KHDRBS2: variants seen among roughly 807,000 people sequenced by gnomAD.
KHDRBS2 encodes the protein KH RNA binding domain containing, signal transduction associated 2.
In KHDRBS2, 26 loss-of-function variants were observed where a neutral mutation model predicts 44.3. The ratio of observed to expected loss-of-function variants is 0.59; its 90% CI spans 0.43 to 0.81. The LOEUF is 0.81. KHDRBS2 is among the 40% of genes least tolerant of loss of function. KHDRBS2 has a pLI of 0.00. For synonymous variants in KHDRBS2, 194 were observed against 151.1 expected (o/e 1.28, Z -2.08); for missense variants, 476 against 433.1 (o/e 1.10, Z -0.88).
chr6:62,234,341 T>A (rs1369774311), intron 1 of KHDRBS2, among the ~76,000 whole-genome samples: 1 of 152,158 alleles, frequency 6.6e-6, no homozygotes, highest in East Asian at 1.9e-4. Flanking sequence ...TACAGCACAA[T>A]TTTGTTATAA....
the KHDRBS2 span, among the ~76,000 whole-genome samples, chr6:61,651,750 C>T: frequency 6.6e-6 from 1 of 152,078 alleles, no homozygotes; most frequent in African/African-American, 2.4e-5. Flanking sequence ...TTATGTTCCA[C>T]TCTTGTTTAG....
chr6:62,178,269 C>G (rs1821545017), intron 1 of KHDRBS2, among the ~76,000 whole-genome samples: 1 of 151,456 alleles, frequency 6.6e-6, no homozygotes, highest in Non-Finnish European at 1.5e-5. Flanking sequence ...GCTTAACAGT[C>G]TGATGAAAAC....
chr6:62,155,904 G>A (rs1816264650), intron 2 of KHDRBS2, among the ~76,000 whole-genome samples: 1 of 152,102 alleles, frequency 6.6e-6, no homozygotes, highest in Non-Finnish European at 1.5e-5. Flanking sequence ...TGTCCTGCTG[G>A]TGTATTTTAG....
chr6:62,169,224 C>A (rs1257600563), intron 2 of KHDRBS2, among the ~76,000 whole-genome samples: 2 of 116,516 alleles, frequency 1.7e-5, no homozygotes, highest in African/African-American at 7.6e-5. Context: ...TATATACACA[C>A]ACACATATAT....
intron 3 of KHDRBS2, among the ~76,000 whole-genome samples, chr6:61,981,889 T>A (rs1160720744): frequency 6.6e-6 from 1 of 152,186 alleles, no homozygotes; most frequent in Non-Finnish European, 1.5e-5. Flanking sequence ...TTTATGAAGT[T>A]CCTAGGAATT....
chr6:61,986,540 A>G (rs1775082237), intron 3 of KHDRBS2, among the ~76,000 whole-genome samples: 1 of 152,360 alleles, frequency 6.6e-6, no homozygotes, highest in East Asian at 1.9e-4. Flanking sequence ...TAAACCAAAA[A>G]GCTCAAGTGT....
chr6:62,006,910 T>C lies in KHDRBS2; in HGVS notation c.337-28698A>G, dbSNP rs144221237. Among the ~76,000 whole-genome samples, 480 of 152,022 alleles carry C rather than the reference T, an allele frequency of 3.2e-3. 2 individuals are homozygous for C. Among genetic ancestry groups the C allele is most frequent in the Middle Eastern group, 6.8e-3 (2 of 294 alleles). On this transcript the variant is annotated intron_variant, in intron 3 of 8. Transcript: ENST00000281156. ...TATAAGGCAGGAGTTATTAGATAAA[T>C]TTTTTTTAAATTCAGCTTACTGTTC...
In KHDRBS2 at chr6:62,092,150, C is replaced by T. The variant is rs116808139; in HGVS notation, c.220-44156G>A. Among the ~76,000 whole-genome samples the T allele has an allele frequency of 7.6e-4, 116 of 151,930 alleles. 1 individual carries two copies. Among genetic ancestry groups the T allele is most frequent in the African/African-American group, 2.6e-3 (107 of 41,438 alleles). ...TTTTTAATCTTCTGCTCAGCTTCCA[C>T]CAGCTCTCTACCATTTCCAGCAACC... On this transcript the variant is annotated intron_variant, in intron 2 of 8. Coordinates refer to ENST00000281156, the MANE Select transcript of KHDRBS2 (RefSeq NM_152688.4).
the KHDRBS2 span, among the ~76,000 whole-genome samples, chr6:61,648,863 C>T: frequency 1.3e-5 from 2 of 152,140 alleles, no homozygotes; most frequent in Non-Finnish European, 2.9e-5. Flanking sequence ...TTTTTAGGCA[C>T]TCTTCCTGAA....
chr6:62,220,397 T>C (rs1455350070), intron 1 of KHDRBS2, among the ~76,000 whole-genome samples: 5 of 151,900 alleles, frequency 3.3e-5, no homozygotes, highest in Non-Finnish European at 7.4e-5. Context: ...AGTAAAACAG[T>C]AACAATATTT....
chr6:62,072,428 A>C (rs1247923268), intron 2 of KHDRBS2, among the ~76,000 whole-genome samples: 4 of 152,174 alleles, frequency 2.6e-5, no homozygotes, highest in African/African-American at 9.7e-5. Flanking sequence ...CAGTTTTCAA[A>C]GGGAATGTTT....
intron 2 of KHDRBS2, among the ~76,000 whole-genome samples, chr6:62,157,989 G>T (rs563678361): frequency 2.6e-4 from 40 of 152,166 alleles, no homozygotes; most frequent in African/African-American, 9.4e-4. Context: ...ATATTAAATG[G>T]ATTTAATCAG....
At chr6:61,728,920 G>C (rs1459474998) in intron 7 of KHDRBS2, among the ~76,000 whole-genome samples, 1 of 152,068 alleles carries the variant, frequency 6.6e-6, no homozygotes, top group East Asian at 1.9e-4. Context: ...ACAATGTAAT[G>C]ATTCTTCAAA....
chr6:62,127,255 C>G (rs1809185787), intron 2 of KHDRBS2, among the ~76,000 whole-genome samples: 2 of 152,222 alleles, frequency 1.3e-5, no homozygotes, highest in South Asian at 4.1e-4. Context: ...GATAGATATT[C>G]ATAATTCTAT....
At chr6:62,019,091 A>G (rs976432740) in intron 3 of KHDRBS2, among the ~76,000 whole-genome samples, 5 of 152,116 alleles carry the variant, frequency 3.3e-5, no homozygotes, top group Admixed American at 6.6e-5. Context: ...CGTTGAAGGC[A>G]CTGATCTGGA....
At chr6:61,935,971 G>A (rs1309173184) in intron 4 of KHDRBS2, among the ~76,000 whole-genome samples, 1 of 151,890 alleles carries the variant, frequency 6.6e-6, no homozygotes, top group African/African-American at 2.4e-5. Context: ...TCCTTTTCCA[G>A]ATGTAAATTG....
intron 4 of KHDRBS2, among the ~76,000 whole-genome samples, chr6:61,918,516 C>T (rs563358681): frequency 6.6e-6 from 1 of 151,986 alleles, no homozygotes; most frequent in Non-Finnish European, 1.5e-5. Context: ...CTCTTTCCCT[C>T]TCTCTCTCCA....
Position 61,893,013 on chromosome 6 carries a change from G to T in KHDRBS2, c.810+1622C>A, listed in dbSNP as rs1320428393. Reference sequence around the variant, plus strand: ...TTCACAACCTACTCATCTGACTAAGGGCTAATATCCAGAATCTACAATGAA... The same window carrying T: ...TTCACAACCTACTCATCTGACTAAGTGCTAATATCCAGAATCTACAATGAA... On this transcript the variant is annotated intron_variant, in intron 6 of 8. Transcript: ENST00000281156. 2.6e-5 allele frequency among the ~76,000 whole-genome samples: 4 copies of T among 152,044 alleles called. No homozygotes were observed. In the East Asian group the frequency reaches 7.7e-4, roughly 29 times the overall value.
intron 1 of KHDRBS2, among the ~76,000 whole-genome samples, chr6:62,278,036 T>C (rs933775876): frequency 2.0e-5 from 3 of 152,212 alleles, no homozygotes; most frequent in African/African-American, 7.2e-5. Context: ...TAGTGGTTAT[T>C]CCACCTCTAA....
Sources: gnomAD v4.1 joint callset for allele counts (sites outside exome capture counted in the v4.1 genomes callset) on GRCh38, gnomAD v4.1.1 for gene constraint, MANE v1.5 for transcripts, NCBI Gene and HGNC (gene_info 2026-07-23, HGNC 2026-07-21) for gene names.